PRSS8: variants seen among roughly 807,000 people sequenced by gnomAD.
PRSS8 encodes serine protease 8.
In PRSS8, 11 loss-of-function variants were observed where a neutral mutation model predicts 26.7. The observed-to-expected ratio is 0.41, with a 90% CI of 0.26 to 0.68. The LOEUF is 0.68. PRSS8 is among the 30% of genes least tolerant of loss of function. PRSS8 has a pLI of 0.30. For missense variants in PRSS8, 362 were observed against 443.5 expected, an observed-to-expected ratio of 0.82 and a Z score of 1.65; for synonymous variants, 183 against 187.0, an observed-to-expected ratio of 0.98 and a Z score of 0.17.
chr16:31,135,104 G>C (rs755668767), intron 2 of PRSS8, 50 bp downstream of exon 2: 1 of 1,602,022 alleles, frequency 6.2e-7, no homozygotes, highest in South Asian at 1.1e-5. Context: ...AGGGGAATCC[G>C]ATCCAAGTCA....
Position 31,133,124 on chromosome 16 carries a change from G to A in PRSS8, c.266+102C>T, listed in dbSNP as rs1310256077. The A allele has an allele frequency of 6.3e-7, 1 of 1,588,902 alleles. No homozygotes were observed. Among genetic ancestry groups the A allele is most frequent in the East Asian group, 2.2e-5 (1 of 44,638 alleles). ...CTCCTAACTGGTCCTTCCAGACTTA[G>A]AACTGACACTCTCAGACCCAACCCA... On this transcript the variant is annotated intron_variant, in intron 3 of 5. Transcript: ENST00000317508. This position sits in a 1 kb window ranked among gnomAD's most constrained non-coding sequence, Gnocchi z 4.7.
intron 1 of PRSS8, 29 bp downstream of exon 1, chr16:31,135,384 TC>T: frequency 6.3e-7 from 1 of 1,580,678 alleles, no homozygotes; most frequent in Non-Finnish European, 8.6e-7. Flanking sequence ...CAGTGCATTG[TC>T]CCCACCCTGC....
Position 31,132,799 on chromosome 16 carries a change from T to G in PRSS8, c.421A>C (p.Ser141Arg). 1 of 1,613,916 alleles carries G rather than the reference T, an allele frequency of 6.2e-7. No individual in the cohort carries two copies. Residue 141 changes from serine (S) to arginine (R), a missense_variant, in exon 4 of 6, where the codon AGC (serine) becomes CGC (arginine). Transcript: ENST00000317508. The surrounding 1 kb of genome is among the most constrained non-coding windows in gnomAD (Gnocchi z 5.2). ...TAGCGGGAGAAGGTGATGGGTCTGC[T>G]GAGTTGGAGGAGTGCAATGTCGCCC... Reference protein sequence around the residue: ...SQGDIALLQLSRPITFSRYIR... With the variant: ...SQGDIALLQLRRPITFSRYIR...
Position 31,132,742 on chromosome 16 carries a change from C to T in PRSS8, c.478G>A (p.Ala160Thr), listed in dbSNP as rs745405432. ...CAGTGGAGGCCGTTGGGGAAGGAGG[C>T]GTTGGCTGCAGGGAGGCAGATGGGC... ...IRPICLPAAN[A>T]SFPNGLHCTV... The change falls in exon 4 of 6, where the codon GCC becomes ACC. Residue 160 changes from alanine (A) to threonine (T), a missense_variant. Ala to Thr is a moderately conservative substitution (Grantham distance 58). Coordinates refer to ENST00000317508, the MANE Select transcript of PRSS8 (RefSeq NM_002773.5). This position sits in a 1 kb window ranked among gnomAD's most constrained non-coding sequence, Gnocchi z 5.2. 12 of 1,613,802 alleles carry T rather than the reference C, an allele frequency of 7.4e-6. No homozygotes were observed. The Admixed American group carries it at 1.5e-4, about 20-fold the overall frequency.
rs1567439414 is a variant in PRSS8, at chr16:31,133,434, T to C, written c.104-46A>G. 1 of 1,605,930 alleles carries C rather than the reference T, an allele frequency of 6.2e-7. No individual in the cohort carries two copies. Among genetic ancestry groups the C allele is most frequent in the South Asian group, 1.1e-5 (1 of 90,560 alleles). On this transcript the variant is annotated intron_variant, in intron 2 of 5. Coordinates refer to ENST00000317508, the MANE Select transcript of PRSS8 (RefSeq NM_002773.5). The surrounding 1 kb of genome is among the most constrained non-coding windows in gnomAD (Gnocchi z 4.7). ...GGGGTCAGGTTGTTAGCCTGGCCAC[T>C]CCTATGCAGCCCAGGAGCTCTGATA...
chr16:31,134,927 G>A (rs1596831462), intron 2 of PRSS8: 2 of 587,534 alleles, frequency 3.4e-6, no homozygotes, highest in East Asian at 2.9e-5. Flanking sequence ...CACTTTGGGA[G>A]TCAGACGTGG....
rs929592817 is a variant in PRSS8, at chr16:31,133,882, G to A, written c.104-494C>T. On this transcript the variant is annotated intron_variant, in intron 2 of 5. Transcript: ENST00000317508. This position sits in a 1 kb window ranked among gnomAD's most constrained non-coding sequence, Gnocchi z 4.7. ...TCCCTTTGCCTGTGGATGCTTGATT[G>A]GAACAGCAGCCCCTCCGTAGACAGG... Among the ~76,000 whole-genome samples, 16 of 152,138 alleles carry A rather than the reference G, an allele frequency of 1.1e-4. No homozygotes were observed. The highest frequency in any genetic ancestry group is 3.9e-4 in the African/African-American group (16 of 41,432).
In PRSS8 at chr16:31,131,905, A is replaced by C; in HGVS notation, c.*104T>G. ...GGCCCCAGCCTCCCGCAGAGTCCTG[A>C]AGGAAGGAGTGGCTCAAGTCAGGCC... On this transcript the variant is annotated 3_prime_UTR_variant, in exon 6 of 6. Transcript: ENST00000317508. 2 of 1,300,526 alleles carry C rather than the reference A, an allele frequency of 1.5e-6. No individual in the cohort carries two copies. Among genetic ancestry groups the C allele is most frequent in the Non-Finnish European group, 2.1e-6 (2 of 970,392 alleles). 80.6% of individuals were successfully genotyped at this position (1,300,526 alleles called of 1,614,324 possible). A position where few individuals can be genotyped will look rare whatever the true frequency, so the allele number is the denominator to read the frequency against.
chr16:31,134,969 T>C (rs2057597868), intron 2 of PRSS8, 185 bp downstream of exon 2: 1 of 669,950 alleles, frequency 1.5e-6, no homozygotes, highest in South Asian at 2.0e-5. Flanking sequence ...TCACTGGCAG[T>C]GTGCCCTGGG....
rs779606713 is a variant in PRSS8, at chr16:31,133,176, A to G, written c.266+50T>C. On this transcript the variant is annotated intron_variant, in intron 3 of 5. Transcript: ENST00000317508. This position sits in a 1 kb window ranked among gnomAD's most constrained non-coding sequence, Gnocchi z 4.7. ...GAACCCCAACCTCTGACCTGGATTG[A>G]CCCATTAACTTTGACCTCCAGCCCA... 6.2e-7 allele frequency: 1 copy of G among 1,611,990 alleles called. No homozygotes were observed. Among genetic ancestry groups the G allele is most frequent in the South Asian group, 1.1e-5 (1 of 91,030 alleles).
At position 31,132,224 on chromosome 16, in the gene PRSS8, G is replaced by A. The variant is rs780566808; in HGVS notation, c.817C>T (p.Leu273=). The change falls in exon 6 of 6, where the codon CTG becomes TTG. Residue 273 remains leucine, a synonymous_variant. Transcript: ENST00000317508. This position sits in a 1 kb window ranked among gnomAD's most constrained non-coding sequence, Gnocchi z 5.2. The part of the protein sequence containing the change: ...GARNRPGVYT[L]ASSYASWIQS... ...ATCCAGGAGGCATAGCTGGAGGCCAGAGTGTACACACCAGGCCTGTTGCGG... is the reference window on the plus strand; with the variant it reads ...ATCCAGGAGGCATAGCTGGAGGCCAAAGTGTACACACCAGGCCTGTTGCGG... The A allele has an allele frequency of 7.4e-6, 12 of 1,613,742 alleles. No individual in the cohort carries two copies. The highest frequency in any genetic ancestry group is 3.3e-5 in the South Asian group (3 of 91,068).
At position 31,133,951 on chromosome 16, in the gene PRSS8, A is replaced by AC. The variant is rs1380645125; in HGVS notation, c.104-564dup. ...GTTGGGCATTGCCTCCGAGCCCAGC[A>AC]CCCCCCAACCTCCACCATGCTCCCC... On this transcript the variant is annotated intron_variant, in intron 2 of 5. Coordinates refer to ENST00000317508, the MANE Select transcript of PRSS8 (RefSeq NM_002773.5). This position sits in a 1 kb window ranked among gnomAD's most constrained non-coding sequence, Gnocchi z 4.7. 3.7e-5 allele frequency: 6 copies of AC among 160,182 alleles called. No homozygotes were observed. The highest frequency in any genetic ancestry group is 2.9e-4 in the Admixed American group (5 of 17,086). The allele number at this position is 160,182 out of a possible 1,614,324, so 9.9% of individuals were successfully genotyped here.
Position 31,135,571 on chromosome 16 carries a change from A to ACT in PRSS8, c.-74_-73insAG. The ACT allele has an allele frequency of 7.9e-7, 1 of 1,271,398 alleles. No homozygotes were observed. Among genetic ancestry groups the ACT allele is most frequent in the Non-Finnish European group, 1.1e-6 (1 of 931,886 alleles). The allele number at this position is 1,271,398 out of a possible 1,614,324, so 78.8% of individuals were successfully genotyped here. On this transcript the variant is annotated 5_prime_UTR_variant, in exon 1 of 6. Coordinates refer to ENST00000317508, the MANE Select transcript of PRSS8 (RefSeq NM_002773.5). ...GAAGCCTTGGGGTGGTGTCGAAGGC[A>ACT]GGACCCAGATGTTGGCTCAGAGGGA... is the stretch of plus-strand genomic sequence containing the variant.
At position 31,135,140 on chromosome 16, in the gene PRSS8, G is replaced by A. The variant is rs377763432; in HGVS notation, c.103+14C>T. 3.4e-5 allele frequency: 54 copies of A among 1,611,896 alleles called. No individual in the cohort carries two copies. The highest frequency in any genetic ancestry group is 4.4e-5 in the Non-Finnish European group (52 of 1,179,040). On this transcript the variant is annotated intron_variant, in intron 2 of 5. Coordinates refer to ENST00000317508, the MANE Select transcript of PRSS8 (RefSeq NM_002773.5). ...CCTCCCCCTCCCCTCCTCCCTCTCC[G>A]AGGAAAGTCTCACCTTCTGCCCCTT... is the stretch of plus-strand genomic sequence containing the variant.
chr16:31,131,875 G>T lies in PRSS8; in HGVS notation c.*134C>A. ...CCAGAAGAATGGGCTCAAAGATCAA[G>T]ATGGGGCCCCAGCCTCCCGCAGAGT... On this transcript the variant is annotated 3_prime_UTR_variant, in exon 6 of 6. Transcript: ENST00000317508. 1 of 1,062,326 alleles carries T rather than the reference G, an allele frequency of 9.4e-7. No homozygotes were observed. Among genetic ancestry groups the T allele is most frequent in the Non-Finnish European group, 1.3e-6 (1 of 761,766 alleles). 65.8% of individuals were successfully genotyped at this position (1,062,326 alleles called of 1,614,324 possible). A position where few individuals can be genotyped will look rare whatever the true frequency, so the allele number is the denominator to read the frequency against.
In PRSS8 at chr16:31,135,611, C is replaced by T. The variant is rs142832538; in HGVS notation, c.-113G>A. ...GCTCAGAGGGAAGGATCCCAGAATC[C>T]GGGCTGGAAAGGGGCAGCAAGTGTC... On this transcript the variant is annotated 5_prime_UTR_variant, in exon 1 of 6. Coordinates refer to ENST00000317508, the MANE Select transcript of PRSS8 (RefSeq NM_002773.5). 2.1e-5 allele frequency: 20 copies of T among 971,824 alleles called. No homozygotes were observed. Among genetic ancestry groups the T allele is most frequent in the African/African-American group, 8.3e-5 (5 of 60,406 alleles). 60.2% of individuals were successfully genotyped at this position (971,824 alleles called of 1,614,324 possible).
chr16:31,135,117 T>C lies in PRSS8; in HGVS notation c.103+37A>G, dbSNP rs2550049. 5 of 1,606,594 alleles carry C rather than the reference T, an allele frequency of 3.1e-6. No homozygotes were observed. In the South Asian group the frequency reaches 3.3e-5, roughly 11 times the overall value. ...CCAGGGGAATCCGATCCAAGTCACC[T>C]CCCCCTCCCCTCCTCCCTCTCCGAG... On this transcript the variant is annotated intron_variant, in intron 2 of 5. Coordinates refer to ENST00000317508, the MANE Select transcript of PRSS8 (RefSeq NM_002773.5).
rs2057602420 is a variant in PRSS8, at chr16:31,135,581, T to C, written c.-83A>G. On this transcript the variant is annotated 5_prime_UTR_variant, in exon 1 of 6. Transcript: ENST00000317508. ...GGTGGTGTCGAAGGCAGGACCCAGA[T>C]GTTGGCTCAGAGGGAAGGATCCCAG... The C allele has an allele frequency of 8.5e-7, 1 of 1,175,734 alleles. No homozygotes were observed. Among genetic ancestry groups the C allele is most frequent in the South Asian group, 1.6e-5 (1 of 62,942 alleles). The allele number at this position is 1,175,734 out of a possible 1,614,324, so 72.8% of individuals were successfully genotyped here. A position where few individuals can be genotyped will look rare whatever the true frequency, so the allele number is the denominator to read the frequency against.
At chr16:31,135,129 C>T (rs2057598623) in intron 2 of PRSS8, 25 bp downstream of exon 2, 1 of 1,610,812 alleles carries the variant, frequency 6.2e-7, no homozygotes, top group Admixed American at 1.7e-5. Context: ...CCCCTCCCCT[C>T]CTCCCTCTCC....
Sources: gnomAD v4.1 joint callset for allele counts (sites outside exome capture counted in the v4.1 genomes callset) on GRCh38, gnomAD v4.1.1 for gene constraint, Gnocchi (gnomAD v3.1) non-coding constraint, MANE v1.5 for transcripts, NCBI Gene and HGNC (gene_info 2026-07-23, HGNC 2026-07-21) for gene names.